MINDY4B: variants seen among roughly 807,000 people sequenced by gnomAD.
The protein encoded by MINDY4B is inactive ubiquitin carboxyl-terminal hydrolase MINDY-4B.
A neutral mutation model predicts 16.7 loss-of-function variants in MINDY4B; 25 were observed. That is an observed-to-expected ratio of 1.49 (90% confidence interval 1.09 to 2.09). The LOEUF (loss-of-function observed/expected upper bound fraction) is 2.09, where lower values mean the gene tolerates loss of function less well. Ranked by LOEUF, MINDY4B falls within the 30% of genes most tolerant of loss-of-function variation. The pLI, the probability that MINDY4B is intolerant of heterozygous loss-of-function variation, is 0.00. For synonymous variants in MINDY4B, 132 were observed against 61.9 expected, an observed-to-expected ratio of 2.13 and a Z score of -5.32; for missense variants, 327 against 168.4, an observed-to-expected ratio of 1.94 and a Z score of -5.21.
chr3:150,873,400 A>G (rs1576608654), intron 10 of MINDY4B, 33 bp from the exon 11 acceptor site: 1 of 695,288 alleles, frequency 1.4e-6, no homozygotes, highest in Admixed American at 2.0e-5. Context: ...AGATAAATAT[A>G]TAGATTTTGC....
intron 7 of MINDY4B, 61 bp downstream of exon 7, chr3:150,890,259 G>T: frequency 2.3e-6 from 1 of 438,026 alleles, no homozygotes; most frequent in Non-Finnish European, 4.1e-6. Context: ...TTTGTAAAAG[G>T]AAGAAGATCC....
intron 8 of MINDY4B, among the ~76,000 whole-genome samples, chr3:150,884,507 T>G (rs976648464): frequency 1.3e-5 from 2 of 152,226 alleles, no homozygotes; most frequent in South Asian, 4.1e-4. Context: ...ATTTTAATAA[T>G]GTTGTATTTA....
intron 4 of MINDY4B, among the ~76,000 whole-genome samples, 152 bp from the exon 5 acceptor site, chr3:150,893,567 T>A (rs1156610245): frequency 6.6e-6 from 1 of 152,172 alleles, no homozygotes; most frequent in East Asian, 1.9e-4. Flanking sequence ...CAGCCGTGGC[T>A]GGTGCTGTGG....
intron 7 of MINDY4B, among the ~76,000 whole-genome samples, chr3:150,886,586 A>G (rs769939995): frequency 7.2e-5 from 11 of 152,228 alleles, no homozygotes; most frequent in Non-Finnish European, 1.5e-4. Context: ...AAAGTCCAAT[A>G]TGGGTCTCAC....
intron 1 of MINDY4B, 48 bp downstream of exon 1, chr3:150,905,279 G>T: frequency 2.5e-6 from 1 of 398,248 alleles, no homozygotes; most frequent in South Asian, 1.3e-4. Flanking sequence ...ACTTAAACAC[G>T]GAAAATTCCT....
intron 6 of MINDY4B, chr3:150,890,652 G>A (rs1293155124): frequency 2.0e-6 from 1 of 490,716 alleles, no homozygotes; most frequent in East Asian, 3.0e-5. Context: ...CCTAATAGGT[G>A]AAATTTAGCT....
intron 8 of MINDY4B, among the ~76,000 whole-genome samples, chr3:150,884,655 G>T (rs1384861808): frequency 6.6e-6 from 1 of 152,144 alleles, no homozygotes; most frequent in Admixed American, 6.5e-5. Flanking sequence ...TGTGATGGCG[G>T]TATATAAAAG....
chr3:150,873,421 C>T (rs1196901670), intron 10 of MINDY4B, 54 bp from the exon 11 acceptor site: 9 of 681,090 alleles, frequency 1.3e-5, no homozygotes, highest in Non-Finnish European at 2.1e-5. Flanking sequence ...CACATTGTGA[C>T]ACATGCCGAT....
At chr3:150,898,584 G>T (rs1266720178) in intron 3 of MINDY4B, among the ~76,000 whole-genome samples, 2 of 152,232 alleles carry the variant, frequency 1.3e-5, no homozygotes, top group Non-Finnish European at 2.9e-5. Context: ...TACATGTGCT[G>T]TTGTGCTGTC....
Position 150,890,443 on chromosome 3 carries a change from G to A in MINDY4B, c.688-58C>T, listed in dbSNP as rs1016941630. 3.2e-5 allele frequency: 18 copies of A among 564,968 alleles called. No homozygotes were observed. In the African/African-American group the frequency reaches 3.2e-4, roughly 10 times the overall value. The allele number at this position is 564,968 out of a possible 1,614,324, so 35.0% of individuals were successfully genotyped here. On this transcript the variant is annotated intron_variant, in intron 6 of 11. Coordinates refer to ENST00000465419, the MANE Select transcript of MINDY4B (RefSeq NM_001351281.2). Reference sequence around the variant, plus strand: ...AGGAAGATGAAAGTTACATCTAAGAGATGTCAACTCACTGTTATTACCACA... The same window carrying A: ...AGGAAGATGAAAGTTACATCTAAGAAATGTCAACTCACTGTTATTACCACA...
chr3:150,885,501 G>A, intron 7 of MINDY4B, 63 bp from the exon 8 acceptor site: 1 of 691,984 alleles, frequency 1.4e-6, no homozygotes, highest in Non-Finnish European at 2.6e-6. Context: ...TGTATCTGTG[G>A]GTATGAATTC....
intron 5 of MINDY4B, among the ~76,000 whole-genome samples, chr3:150,892,660 A>C (rs1024634438): frequency 1.3e-5 from 2 of 152,020 alleles, no homozygotes; most frequent in African/African-American, 2.4e-5. Flanking sequence ...AAATAGGAGG[A>C]TTGGCCGGGT....
intron 3 of MINDY4B, chr3:150,901,189 T>A (rs1031366776): frequency 6.6e-6 from 1 of 152,232 alleles, no homozygotes; most frequent in Non-Finnish European, 1.5e-5. Flanking sequence ...ATTAAAGTTT[T>A]TCATTAAAAA....
chr3:150,903,560 A>G (rs1712166545), intron 2 of MINDY4B, 144 bp from the exon 3 acceptor site: 1 of 395,940 alleles, frequency 2.5e-6, no homozygotes, highest in African/African-American at 2.1e-5. Flanking sequence ...TGTGATAAAT[A>G]GCAATAAAAG....
chr3:150,889,936 A>G (rs577173268), intron 7 of MINDY4B, among the ~76,000 whole-genome samples: 50 of 152,340 alleles, frequency 3.3e-4, no homozygotes, highest in African/African-American at 1.1e-3. Flanking sequence ...CTTGGAGTCA[A>G]TGTGAATGGT....
At chr3:150,873,863 T>C (rs1717026239) in intron 10 of MINDY4B, among the ~76,000 whole-genome samples, 1 of 152,108 alleles carries the variant, frequency 6.6e-6, no homozygotes, top group African/African-American at 2.4e-5. Context: ...TAAAATAGCT[T>C]CTGGAAAATG....
intron 8 of MINDY4B, among the ~76,000 whole-genome samples, chr3:150,884,478 T>C (rs910904480): frequency 6.6e-6 from 1 of 152,362 alleles, no homozygotes; most frequent in Middle Eastern, 3.4e-3. Context: ...GGTGGTATGA[T>C]AGACTTGAAC....
intron 8 of MINDY4B, among the ~76,000 whole-genome samples, chr3:150,885,023 A>T (rs1182484880): frequency 6.6e-6 from 1 of 152,242 alleles, no homozygotes; most frequent in African/African-American, 2.4e-5. Flanking sequence ...GAGACAAAAT[A>T]CATATTTGAG....
intron 3 of MINDY4B, among the ~76,000 whole-genome samples, chr3:150,894,530 T>C (rs1412999200): frequency 6.6e-6 from 1 of 152,224 alleles, no homozygotes; most frequent in Non-Finnish European, 1.5e-5. Flanking sequence ...GCATCTACTT[T>C]GCAGTTCACC....
Sources: gnomAD v4.1 joint callset for allele counts (sites outside exome capture counted in the v4.1 genomes callset) on GRCh38, gnomAD v4.1.1 for gene constraint, MANE v1.5 for transcripts, NCBI Gene and HGNC (gene_info 2026-07-23, HGNC 2026-07-21) for gene names.